Variants in DERA observed in about 807,000 individuals in gnomAD.
DERA encodes deoxyribose-phosphate aldolase.
A neutral mutation model predicts 41.1 loss-of-function variants in DERA; 15 were observed. The ratio of observed to expected loss-of-function variants is 0.37; its 90% CI spans 0.24 to 0.56. The LOEUF is 0.56. Ranked by LOEUF, DERA falls within the 20% of genes least tolerant of loss-of-function variation. The probability of loss-of-function intolerance (pLI) is 0.81; values close to 1 mark genes in which losing one functional copy is unlikely to be tolerated. For synonymous variants in DERA, 139 were observed against 137.4 expected (o/e 1.01, Z -0.08); for missense variants, 396 against 403.4 (o/e 0.98, Z 0.16).
In DERA at chr12:15,928,152, T is replaced by G. The variant is rs1212644265; in HGVS notation, c.31+16738T>G. Among the ~76,000 whole-genome samples, 1 of 152,202 alleles carries G rather than the reference T, an allele frequency of 6.6e-6. No homozygotes were observed. Among genetic ancestry groups the G allele is most frequent in the Non-Finnish European group, 1.5e-5 (1 of 68,032 alleles). On this transcript the variant is annotated intron_variant, in intron 1 of 8. Coordinates refer to ENST00000428559, the MANE Select transcript of DERA (RefSeq NM_015954.4). This position sits in a 1 kb window ranked among gnomAD's most constrained non-coding sequence, Gnocchi z 4.6. ...TTTTTGTGTTGAGAATGTCTGAAAT[T>G]TACTCTCTTAGCCGTTTTGAAACAT... is the stretch of plus-strand genomic sequence containing the variant.
chr12:15,973,358 A>G (rs1468129104), intron 5 of DERA, among the ~76,000 whole-genome samples: 1 of 150,192 alleles, frequency 6.7e-6, no homozygotes, highest in African/African-American at 2.5e-5. Flanking sequence ...GTTTTGTTAA[A>G]TTTTGCATTA....
In DERA at chr12:15,918,251, T is replaced by A. The variant is rs1948215384; in HGVS notation, c.31+6837T>A. Among the ~76,000 whole-genome samples, 1 of 152,216 alleles carries A rather than the reference T, an allele frequency of 6.6e-6. No individual in the cohort carries two copies. Among genetic ancestry groups the A allele is most frequent in the Admixed American group, 6.5e-5 (1 of 15,290 alleles). The stretch of plus-strand genomic sequence containing the variant: ...AGGCTGCTGCCTACACAAATCTCCC[T>A]GTTACCTTAGTGTGGGGCTGTGGAC... On this transcript the variant is annotated intron_variant, in intron 1 of 8. Transcript: ENST00000428559. This position sits in a 1 kb window ranked among gnomAD's most constrained non-coding sequence, Gnocchi z 4.3.
At chr12:15,951,820 G>A (rs1948499850) in intron 1 of DERA, among the ~76,000 whole-genome samples, 1 of 152,040 alleles carries the variant, frequency 6.6e-6, no homozygotes, top group Admixed American at 6.6e-5. Context: ...AAAGCACACT[G>A]CTGTGCATAT....
chr12:15,991,262 A>C (rs1948800261), intron 6 of DERA, among the ~76,000 whole-genome samples: 2 of 152,174 alleles, frequency 1.3e-5, no homozygotes, highest in Non-Finnish European at 2.9e-5. Flanking sequence ...TTCTTTTGAA[A>C]AGTGCCTGTT....
chr12:15,945,278 T>C (rs1179039009), intron 1 of DERA, among the ~76,000 whole-genome samples: 1 of 152,252 alleles, frequency 6.6e-6, no homozygotes, highest in East Asian at 1.9e-4. Flanking sequence ...AAGTCATTAG[T>C]AGCTTGATGG....
chr12:15,958,121 TG>T, intron 2 of DERA, 66 bp from the exon 3 acceptor site: 1 of 1,342,064 alleles, frequency 7.5e-7, no homozygotes, highest in Non-Finnish European at 1.0e-6. Flanking sequence ...ACTAACCACC[TG>T]GGTTGGAGGT....
intron 6 of DERA, among the ~76,000 whole-genome samples, chr12:16,025,028 TA>T (rs1393988088): frequency 6.6e-6 from 1 of 152,040 alleles, no homozygotes; most frequent in African/African-American, 2.4e-5. Flanking sequence ...TAAAAATGTA[TA>T]TTGAAAACTC....
Position 15,927,895 on chromosome 12 carries a change from A to G in DERA, c.31+16481A>G, listed in dbSNP as rs533205191. On this transcript the variant is annotated intron_variant, in intron 1 of 8. Coordinates refer to ENST00000428559, the MANE Select transcript of DERA (RefSeq NM_015954.4). ...GATTTAGATTGATATGGCATGGAAT[A>G]GTGGCTAAAAACCATATAAGGGAAG... 6.6e-5 allele frequency among the ~76,000 whole-genome samples: 10 copies of G among 152,336 alleles called. No individual in the cohort carries two copies. The South Asian group carries it at 2.1e-3, about 32-fold the overall frequency.
At position 15,988,514 on chromosome 12, in the gene DERA, G is replaced by A. The variant is rs1948780349; in HGVS notation, c.637+6078G>A. On this transcript the variant is annotated intron_variant, in intron 6 of 8. Transcript: ENST00000428559. The surrounding 1 kb of genome is among the most constrained non-coding windows in gnomAD (Gnocchi z 6.0). The stretch of plus-strand genomic sequence containing the variant: ...GCAGGTCGTCCCTGTGAGTGTGTGA[G>A]TCTGACTGAGTCTGAGGTTTTTATA... 6.6e-6 allele frequency among the ~76,000 whole-genome samples: 1 copy of A among 152,202 alleles called. No individual in the cohort carries two copies. Among genetic ancestry groups the A allele is most frequent in the Non-Finnish European group, 1.5e-5 (1 of 68,022 alleles).
At position 15,921,394 on chromosome 12, in the gene DERA, G is replaced by C. The variant is rs546375872; in HGVS notation, c.31+9980G>C. Among the ~76,000 whole-genome samples the C allele has an allele frequency of 6.6e-6, 1 of 152,294 alleles. No individual in the cohort carries two copies. Among genetic ancestry groups the C allele is most frequent in the Non-Finnish European group, 1.5e-5 (1 of 68,032 alleles). ...AGATAGACCTCTAATCCCATTAGCT[G>C]AAGATGTGAGATTAACCAGAAAGAG... On this transcript the variant is annotated intron_variant, in intron 1 of 8. Coordinates refer to ENST00000428559, the MANE Select transcript of DERA (RefSeq NM_015954.4). This position sits in a 1 kb window ranked among gnomAD's most constrained non-coding sequence, Gnocchi z 5.3.
Position 15,954,280 on chromosome 12 carries a change from T to C in DERA, c.32-2656T>C, listed in dbSNP as rs141969071. On this transcript the variant is annotated intron_variant, in intron 1 of 8. Coordinates refer to ENST00000428559, the MANE Select transcript of DERA (RefSeq NM_015954.4). This position sits in a 1 kb window ranked among gnomAD's most constrained non-coding sequence, Gnocchi z 4.0. ...GGAACCACTCGACTTATTTATCGTA[T>C]GCCACCCGTGCGTCAGGTCCTTCGC... is the stretch of plus-strand genomic sequence containing the variant. 6.6e-6 allele frequency among the ~76,000 whole-genome samples: 1 copy of C among 152,310 alleles called. No homozygotes were observed. Among genetic ancestry groups the C allele is most frequent in the East Asian group, 1.9e-4 (1 of 5,174 alleles).
Position 15,943,705 on chromosome 12 carries a change from T to TTTTG in DERA, c.32-13228_32-13227insGTTT, listed in dbSNP as rs1555150476. ...TGTTTCTTCTTTTTTATTTTTTAAT[T>TTTTG]TTTATTTATTTATTTATTTATTTAT... On this transcript the variant is annotated intron_variant, in intron 1 of 8. Transcript: ENST00000428559. The surrounding 1 kb of genome is among the most constrained non-coding windows in gnomAD (Gnocchi z 4.5). 6.9e-6 allele frequency among the ~76,000 whole-genome samples: 1 copy of TTTTG among 144,134 alleles called. No individual in the cohort carries two copies. The highest frequency in any genetic ancestry group is 1.5e-5 in the Non-Finnish European group (1 of 65,818). 94.6% of individuals were successfully genotyped at this position (144,134 alleles called of 152,430 possible). A position where few individuals can be genotyped will look rare whatever the true frequency, so the allele number is the denominator to read the frequency against.
chr12:16,013,649 C>T lies in DERA; in HGVS notation c.638-18893C>T, dbSNP rs531426959. Among the ~76,000 whole-genome samples the T allele has an allele frequency of 4.2e-4, 64 of 152,068 alleles. 1 individual carries two copies. Among genetic ancestry groups the T allele is most frequent in the Non-Finnish European group, 1.3e-4 (9 of 68,014 alleles). On this transcript the variant is annotated intron_variant, in intron 6 of 8. Coordinates refer to ENST00000428559, the MANE Select transcript of DERA (RefSeq NM_015954.4). The surrounding 1 kb of genome is among the most constrained non-coding windows in gnomAD (Gnocchi z 5.8). ...ATGGATTAATACAGTAAATTGGTAC[C>T]GAGGTAGTGGGACACTGCTATAAGG...
rs531693322 is a variant in DERA, at chr12:15,993,815, T to G, written c.637+11379T>G. On this transcript the variant is annotated intron_variant, in intron 6 of 8. Coordinates refer to ENST00000428559, the MANE Select transcript of DERA (RefSeq NM_015954.4). The surrounding 1 kb of genome is among the most constrained non-coding windows in gnomAD (Gnocchi z 4.4). ...TTGTTGAGTGGAAAACACAGAGCTC[T>G]GTAGAGGAAAGAAGTTATCGTATTT... 6.6e-6 allele frequency among the ~76,000 whole-genome samples: 1 copy of G among 152,152 alleles called. No homozygotes were observed. The highest frequency in any genetic ancestry group is 1.5e-5 in the Non-Finnish European group (1 of 68,030).
In DERA at chr12:16,019,978, G is replaced by T. The variant is rs537716681; in HGVS notation, c.638-12564G>T. 6.6e-6 allele frequency among the ~76,000 whole-genome samples: 1 copy of T among 152,082 alleles called. No individual in the cohort carries two copies. Among genetic ancestry groups the T allele is most frequent in the East Asian group, 1.9e-4 (1 of 5,152 alleles). ...TTGCTCTGAGCTCACATGAGATCTG[G>T]TTTTTTAAAAGAGCATGGCACCTCC... On this transcript the variant is annotated intron_variant, in intron 6 of 8. Coordinates refer to ENST00000428559, the MANE Select transcript of DERA (RefSeq NM_015954.4). This position sits in a 1 kb window ranked among gnomAD's most constrained non-coding sequence, Gnocchi z 4.4.
chr12:15,997,314 T>C (rs966547005), intron 6 of DERA, among the ~76,000 whole-genome samples: 5 of 152,142 alleles, frequency 3.3e-5, no homozygotes, highest in Non-Finnish European at 7.4e-5. Flanking sequence ...TTATTTGCTG[T>C]TTAAAAAAAA....
intron 1 of DERA, among the ~76,000 whole-genome samples, chr12:15,946,344 A>T (rs555255658): frequency 2.0e-5 from 3 of 152,304 alleles, no homozygotes; most frequent in Non-Finnish European, 4.4e-5. Flanking sequence ...TTCGGCTGTG[A>T]ATCTGTCTGG....
Position 16,012,939 on chromosome 12 carries a change from AG to A in DERA, c.638-19602del, listed in dbSNP as rs1490983419. 6.6e-6 allele frequency among the ~76,000 whole-genome samples: 1 copy of A among 152,124 alleles called. No homozygotes were observed. Among genetic ancestry groups the A allele is most frequent in the Non-Finnish European group, 1.5e-5 (1 of 68,014 alleles). ...TTATTACATTGTATTTTTTTGTATTAGTTCCTCAAATCCCCGTACTTCAGTT... is the reference window on the plus strand; with the variant it reads ...TTATTACATTGTATTTTTTTGTATTATTCCTCAAATCCCCGTACTTCAGTT... On this transcript the variant is annotated intron_variant, in intron 6 of 8. Transcript: ENST00000428559. This position sits in a 1 kb window ranked among gnomAD's most constrained non-coding sequence, Gnocchi z 4.1.
rs11836661 is a variant in DERA, at chr12:15,998,474, T to C, written c.637+16038T>C. On this transcript the variant is annotated intron_variant, in intron 6 of 8. Transcript: ENST00000428559. This position sits in a 1 kb window ranked among gnomAD's most constrained non-coding sequence, Gnocchi z 4.8. ...CTGAGATTACAGGCATCCACCACCA[T>C]GCCCGGCTAATTTTCTATTTTTAGT... Among the ~76,000 whole-genome samples the C allele has an allele frequency of 0.065, 9,910 of 152,054 alleles. 1,040 individuals are homozygous for C. The highest frequency in any genetic ancestry group is 0.22 in the African/African-American group (9,130 of 41,432).
Sources: gnomAD v4.1 joint callset for allele counts (sites outside exome capture counted in the v4.1 genomes callset) on GRCh38, gnomAD v4.1.1 for gene constraint, Gnocchi (gnomAD v3.1) non-coding constraint, MANE v1.5 for transcripts, NCBI Gene and HGNC (gene_info 2026-07-23, HGNC 2026-07-21) for gene names.